Variants in ANTXRL observed in about 807,000 individuals in gnomAD.
The protein encoded by ANTXRL is anthrax toxin receptor-like.
In ANTXRL, 63 loss-of-function variants were observed where a neutral mutation model predicts 75.4. That is an observed-to-expected ratio of 0.84 (90% CI 0.68 to 1.03). The LOEUF (loss-of-function observed/expected upper bound fraction) is 1.03, where lower values mean the gene tolerates loss of function less well. Among genes scored for constraint, ANTXRL ranks in the 50% least tolerant of loss-of-function variants. The probability of loss-of-function intolerance (pLI) is 0.00; values close to 1 mark genes in which losing one functional copy is unlikely to be tolerated. For synonymous variants in ANTXRL, 335 were observed against 291.3 expected, an observed-to-expected ratio of 1.15 and a Z score of -1.53; for missense variants, 797 against 789.4, an observed-to-expected ratio of 1.01 and a Z score of -0.12.
chr10:46,324,538 C>T (rs1420282568), intron 16 of ANTXRL, among the ~76,000 whole-genome samples: 1 of 152,254 alleles, frequency 6.6e-6, no homozygotes, highest in East Asian at 1.9e-4. Context: ...ACATGGAATT[C>T]TAAATCCTAG....
intron 10 of ANTXRL, among the ~76,000 whole-genome samples, chr10:46,304,290 A>G (rs1375434403): frequency 6.6e-6 from 1 of 152,176 alleles, no homozygotes; most frequent in Non-Finnish European, 1.5e-5. Context: ...TCTCTAAAAG[A>G]AAACAGTATT....
chr10:46,316,129 G>T (rs1338356987), intron 16 of ANTXRL, among the ~76,000 whole-genome samples: 14 of 152,112 alleles, frequency 9.2e-5, no homozygotes, highest in Non-Finnish European at 1.9e-4. Context: ...AGGAAAGTCA[G>T]GCTAATAGTG....
intron 16 of ANTXRL, among the ~76,000 whole-genome samples, chr10:46,320,176 AACAG>A (rs1308286624): frequency 2.1e-4 from 32 of 152,308 alleles, no homozygotes; most frequent in Non-Finnish European, 1.5e-5. Context: ...CCAACTTTGA[AACAG>A]ACAAAGAGAA....
At chr10:46,313,340 G>T (rs1163418497) in intron 16 of ANTXRL, 24 bp downstream of exon 16, 15 of 1,533,234 alleles carry the variant, frequency 9.8e-6, no homozygotes, top group African/African-American at 5.5e-5. Context: ...CAGGGACACA[G>T]TTGATGGACA....
chr10:46,293,460 GA>G (rs1837156516), intron 2 of ANTXRL, among the ~76,000 whole-genome samples: 2 of 96,004 alleles, frequency 2.1e-5, no homozygotes, highest in South Asian at 7.4e-4. Flanking sequence ...GTGCATGTGT[GA>G]GTGTGTGTGT....
At chr10:46,327,566 G>A (rs1554966754) in intron 16 of ANTXRL, among the ~76,000 whole-genome samples, 1 of 152,104 alleles carries the variant, frequency 6.6e-6, no homozygotes, top group Non-Finnish European at 1.5e-5. Flanking sequence ...GCAGGGGCAG[G>A]AGAGGGCAGG....
intron 10 of ANTXRL, among the ~76,000 whole-genome samples, chr10:46,306,057 G>C (rs1270235814): frequency 6.6e-6 from 1 of 152,096 alleles, no homozygotes; most frequent in Non-Finnish European, 1.5e-5. Context: ...CCTGCCCCCT[G>C]TCCTGGGTCA....
chr10:46,310,119 A>C (rs1179644425), intron 13 of ANTXRL, among the ~76,000 whole-genome samples: 3 of 152,122 alleles, frequency 2.0e-5, no homozygotes, highest in African/African-American at 7.2e-5. Context: ...GCTCTCCCTA[A>C]GGAAGGGAAG....
Position 46,330,095 on chromosome 10 carries a change from A to G in ANTXRL, c.*11A>G. 2 of 1,485,876 alleles carry G rather than the reference A, an allele frequency of 1.3e-6. No individual in the cohort carries two copies. Among genetic ancestry groups the G allele is most frequent in the Non-Finnish European group, 1.8e-6 (2 of 1,120,350 alleles). The allele number at this position is 1,485,876 out of a possible 1,614,324, so 92.0% of individuals were successfully genotyped here. On this transcript the variant is annotated 3_prime_UTR_variant, in exon 17 of 17. Coordinates refer to ENST00000620264, the MANE Select transcript of ANTXRL (RefSeq NM_001278688.3). ...GAGCCCAACTTCTAAGGCACCAAACACCCAAGATTAACAGGCTTTTGTTGC... is the reference window on the plus strand; with the variant it reads ...GAGCCCAACTTCTAAGGCACCAAACGCCCAAGATTAACAGGCTTTTGTTGC...
chr10:46,300,885 C>T (rs1237552228), intron 9 of ANTXRL, among the ~76,000 whole-genome samples: 1 of 152,096 alleles, frequency 6.6e-6, no homozygotes, highest in East Asian at 1.9e-4. Context: ...AATTTTCAAA[C>T]CTGTAGGTGA....
intron 16 of ANTXRL, among the ~76,000 whole-genome samples, chr10:46,317,617 G>A (rs1203006410): frequency 1.3e-5 from 2 of 152,152 alleles, no homozygotes; most frequent in African/African-American, 4.8e-5. Context: ...CTTGAAGCCA[G>A]TGCTTTTTGG....
chr10:46,313,122 G>A (rs868940563), intron 15 of ANTXRL, 114 bp from the exon 16 acceptor site: 51 of 959,170 alleles, frequency 5.3e-5, no homozygotes, highest in Middle Eastern at 4.4e-4. Flanking sequence ...GGGGATGGGA[G>A]CTTTGTCTGG....
intron 16 of ANTXRL, among the ~76,000 whole-genome samples, chr10:46,317,747 T>C (rs1838803969): frequency 6.6e-6 from 1 of 152,002 alleles, no homozygotes; most frequent in Non-Finnish European, 1.5e-5. Context: ...TTCTGTAACA[T>C]AATCGGGAAA....
chr10:46,301,177 C>T (rs1443119497), intron 9 of ANTXRL, among the ~76,000 whole-genome samples: 2 of 152,252 alleles, frequency 1.3e-5, no homozygotes, highest in African/African-American at 4.8e-5. Flanking sequence ...CAGTTGCTCC[C>T]TCCCGGGCAC....
intron 1 of ANTXRL, among the ~76,000 whole-genome samples, chr10:46,289,324 TAAC>T (rs2132633533): frequency 6.6e-6 from 1 of 152,290 alleles, no homozygotes; most frequent in South Asian, 2.1e-4. Flanking sequence ...AAAACATACA[TAAC>T]AAAAATTTAC....
At chr10:46,299,303 C>G (rs1222358943) in intron 9 of ANTXRL, among the ~76,000 whole-genome samples, 1 of 152,162 alleles carries the variant, frequency 6.6e-6, no homozygotes, top group Admixed American at 6.5e-5. Context: ...CACAAACACC[C>G]TCAGCTCACC....
chr10:46,308,556 G>A (rs1838238995), intron 12 of ANTXRL: 3 of 424,138 alleles, frequency 7.1e-6, no homozygotes, highest in Non-Finnish European at 1.4e-5. Flanking sequence ...AACACCCAGA[G>A]AACTGTTCCC....
intron 10 of ANTXRL, 99 bp from the exon 11 acceptor site, chr10:46,306,704 C>G: frequency 9.3e-7 from 1 of 1,078,676 alleles, no homozygotes; most frequent in Non-Finnish European, 1.3e-6. Flanking sequence ...CATGCCGGTC[C>G]TGGGCCACAG....
At chr10:46,315,199 G>T (rs1838655763) in intron 16 of ANTXRL, among the ~76,000 whole-genome samples, 1 of 152,214 alleles carries the variant, frequency 6.6e-6, no homozygotes, top group Admixed American at 6.5e-5. Flanking sequence ...TACAGAGCCA[G>T]ACACCAGCCA....
Sources: gnomAD v4.1 joint callset for allele counts (sites outside exome capture counted in the v4.1 genomes callset) on GRCh38, gnomAD v4.1.1 for gene constraint, MANE v1.5 for transcripts, NCBI Gene and HGNC (gene_info 2026-07-23, HGNC 2026-07-21) for gene names.